CDKL4: variants seen among roughly 807,000 people sequenced by gnomAD.
CDKL4 encodes cyclin dependent kinase like 4, also known as cyclin-dependent kinase-like 4.
CDKL4 carries 44 observed loss-of-function variants against 42.0 expected under a neutral mutation model. The ratio of observed to expected loss-of-function variants is 1.05; its 90% CI spans 0.82 to 1.35. The LOEUF (loss-of-function observed/expected upper bound fraction) is 1.35, where lower values mean the gene tolerates loss of function less well. Ranked by LOEUF, CDKL4 falls within the 40% of genes most tolerant of loss-of-function variation. The probability of loss-of-function intolerance (pLI) is 0.00; values close to 1 mark genes in which losing one functional copy is unlikely to be tolerated. For synonymous variants in CDKL4, 120 were observed against 121.6 expected (o/e 0.99, Z 0.09); for missense variants, 393 against 369.9 (o/e 1.06, Z -0.51).
chr2:39,213,893 TGTTTTGTTTTGTTTTGTTTTG>T (rs559816619), intron 3 of CDKL4, among the ~76,000 whole-genome samples: 1,290 of 126,484 alleles, frequency 0.01, 23 homozygotes, highest in African/African-American at 0.037. Context: ...GTACTTTTTT[TGTTTTGTTTTGTTTTGTTTTG>T]TTTTGTTTTG....
At chr2:39,189,247 C>T (rs1250471070) in intron 6 of CDKL4, among the ~76,000 whole-genome samples, 2 of 152,188 alleles carry the variant, frequency 1.3e-5, no homozygotes, top group Non-Finnish European at 2.9e-5. Flanking sequence ...TGCATCCATG[C>T]TGTTGGCATG....
chr2:39,204,362 T>C (rs931287085), intron 5 of CDKL4, among the ~76,000 whole-genome samples, 165 bp downstream of exon 5: 17 of 152,246 alleles, frequency 1.1e-4, no homozygotes, highest in Non-Finnish European at 1.5e-5. Context: ...GGAGCAGAGT[T>C]GAAGTGCAAA....
At chr2:39,203,748 T>C (rs1572977758) in intron 5 of CDKL4, among the ~76,000 whole-genome samples, 1 of 152,224 alleles carries the variant, frequency 6.6e-6, no homozygotes, top group East Asian at 1.9e-4. Flanking sequence ...TCGATAGTTT[T>C]CCAGTGTTTG....
intron 4 of CDKL4, among the ~76,000 whole-genome samples, chr2:39,207,943 C>T (rs1677305929): frequency 6.6e-6 from 1 of 151,752 alleles, no homozygotes; most frequent in Admixed American, 6.6e-5. Flanking sequence ...CTCTACTAAA[C>T]ATAGAAAAAT....
At chr2:39,180,608 A>G (rs1052362461) in intron 8 of CDKL4, among the ~76,000 whole-genome samples, 3 of 151,856 alleles carry the variant, frequency 2.0e-5, no homozygotes, top group African/African-American at 7.3e-5. Context: ...CCCATGCCAT[A>G]TATCAACTCC....
chr2:39,225,607 G>T (rs1027858719), intron 3 of CDKL4, among the ~76,000 whole-genome samples: 4 of 151,938 alleles, frequency 2.6e-5, no homozygotes, highest in African/African-American at 9.7e-5. Flanking sequence ...ACATAATTTA[G>T]CCTCAAATTC....
At chr2:39,246,107 C>T (rs576689534), upstream of CDKL4, among the ~76,000 whole-genome samples, 6 of 152,182 alleles carry the variant, frequency 3.9e-5, no homozygotes, top group African/African-American at 1.4e-4. Flanking sequence ...AAATGCTCCC[C>T]GTGATCATGG....
intron 5 of CDKL4, among the ~76,000 whole-genome samples, chr2:39,193,877 A>G (rs1676349265): frequency 6.6e-6 from 1 of 152,202 alleles, no homozygotes; most frequent in East Asian, 1.9e-4. Context: ...AGCGTTTCTC[A>G]TGTCATTAAA....
intron 3 of CDKL4, among the ~76,000 whole-genome samples, chr2:39,224,070 TA>T (rs1312769689): frequency 6.6e-5 from 10 of 152,236 alleles, no homozygotes; most frequent in Non-Finnish European, 1.3e-4. Context: ...GTTAACCTTT[TA>T]AAAAATGTTA....
chr2:39,233,726 C>CAA (rs201736251), intron 1 of CDKL4, among the ~76,000 whole-genome samples: 1 of 146,424 alleles, frequency 6.8e-6, no homozygotes, highest in Non-Finnish European at 1.5e-5. Context: ...AAATCATTTA[C>CAA]AAAAAAAAAC....
intron 8 of CDKL4, among the ~76,000 whole-genome samples, chr2:39,184,303 A>C (rs530226093): frequency 1.3e-5 from 2 of 152,184 alleles, no homozygotes; most frequent in South Asian, 4.1e-4. Flanking sequence ...TTTTTATTTG[A>C]ATCTGTCCTT....
intron 1 of CDKL4, among the ~76,000 whole-genome samples, chr2:39,236,557 C>A (rs1679385586): frequency 6.6e-6 from 1 of 152,074 alleles, no homozygotes; most frequent in Non-Finnish European, 1.5e-5. Flanking sequence ...AAAGAGAGAA[C>A]CATTCGTATA....
At chr2:39,217,048 G>A (rs1437462966) in intron 3 of CDKL4, among the ~76,000 whole-genome samples, 1 of 152,050 alleles carries the variant, frequency 6.6e-6, no homozygotes, top group Admixed American at 6.6e-5. Flanking sequence ...ATCGTGCAAA[G>A]AGAAGATAAC....
intron 5 of CDKL4, among the ~76,000 whole-genome samples, chr2:39,192,000 C>T (rs553879758): frequency 4.9e-4 from 75 of 152,326 alleles, no homozygotes; most frequent in Non-Finnish European, 9.6e-4. Context: ...GGTCAGAGAA[C>T]AGTCCTCATA....
intron 3 of CDKL4, among the ~76,000 whole-genome samples, chr2:39,218,289 A>C (rs9309035): frequency 0.88 from 134,015 of 151,904 alleles, 59,466 homozygotes; most frequent in Non-Finnish European, 0.94. Context: ...TTGCTTGAGC[A>C]CAGGAGTTTG....
chr2:39,239,306 T>A (rs1266923767), intron 1 of CDKL4, among the ~76,000 whole-genome samples: 1 of 151,634 alleles, frequency 6.6e-6, no homozygotes, highest in Non-Finnish European at 1.5e-5. Flanking sequence ...TGCAGATTTC[T>A]TAGATATGAC....
chr2:39,173,602 G>A (rs923760405), downstream of CDKL4, among the ~76,000 whole-genome samples: 4 of 152,138 alleles, frequency 2.6e-5, no homozygotes, highest in Admixed American at 2.6e-4. Context: ...GAGGTCAGAA[G>A]ATCGAGACTA....
chr2:39,212,234 A>AT (rs34797813), intron 4 of CDKL4, among the ~76,000 whole-genome samples: 2,279 of 141,536 alleles, frequency 0.016, 40 homozygotes, highest in African/African-American at 0.04. Context: ...AAATTAATGA[A>AT]TTTTTTTTTT....
At chr2:39,224,916 C>G (rs1429386482) in intron 3 of CDKL4, among the ~76,000 whole-genome samples, 1 of 152,108 alleles carries the variant, frequency 6.6e-6, no homozygotes, top group African/African-American at 2.4e-5. Flanking sequence ...TTAGGTGGTT[C>G]TCTTAGATTT....
Sources: allele counts gnomAD v4.1 joint callset (sites outside exome capture counted in the v4.1 genomes callset), GRCh38; gene constraint gnomAD v4.1.1; transcripts MANE v1.5; gene names NCBI Gene and HGNC (gene_info 2026-07-23, HGNC 2026-07-21).